ABCC5: variants seen among roughly 807,000 people sequenced by gnomAD.
The protein encoded by ABCC5 is ATP-binding cassette sub-family C member 5.
A neutral mutation model predicts 160.9 loss-of-function variants in ABCC5; 61 were observed. The ratio of observed to expected loss-of-function variants is 0.38; its 90% confidence interval spans 0.31 to 0.47. The LOEUF is 0.47. ABCC5 is among the 20% of genes least tolerant of loss of function. The pLI is 0.99. For missense variants in ABCC5, 1,308 were observed against 1,813.3 expected (o/e 0.72, Z 5.06); for synonymous variants, 666 against 700.6 (o/e 0.95, Z 0.78).
intron 25 of ABCC5, among the ~76,000 whole-genome samples, chr3:183,940,462 GAAAAAAAAAAAAA>G (rs537025178): frequency 4.6e-5 from 3 of 64,618 alleles, no homozygotes; most frequent in African/African-American, 1.7e-4. Context: ...TCTGTCTCAG[GAAAAAAAAAAAAA>G]AAAAAAAAAA....
In ABCC5 at chr3:183,978,553, CCA is replaced by C; in HGVS notation, c.1244_1245del (p.Val415GlyfsTer50). The C allele has an allele frequency of 6.2e-7, 1 of 1,614,170 alleles. No homozygotes were observed. Among genetic ancestry groups the C allele is most frequent in the Non-Finnish European group, 8.5e-7 (1 of 1,180,032 alleles). Reference sequence around the variant, plus strand: ...AGGGTCATATGAACAGAGAAGGTCACCACGCTGGCAATCACCACCACAATGGG... The same window carrying C: ...AGGGTCATATGAACAGAGAAGGTCACCGCTGGCAATCACCACCACAATGGG... ...VAPIVVVIAS[V>X]VTFSVHMTLG... On this transcript the variant is annotated frameshift_variant, in exon 9 of 30. Coordinates refer to ENST00000334444, the MANE Select transcript of ABCC5 (RefSeq NM_005688.4). LOFTEE classifies it high-confidence loss of function.
At chr3:183,932,268 T>G (rs1193121842) in intron 26 of ABCC5, among the ~76,000 whole-genome samples, 1 of 152,196 alleles carries the variant, frequency 6.6e-6, no homozygotes, top group Non-Finnish European at 1.5e-5. Context: ...CGGACTGATT[T>G]TGGCTTTTAG....
chr3:184,006,940 C>T (rs1328774343), intron 2 of ABCC5, among the ~76,000 whole-genome samples: 1 of 149,644 alleles, frequency 6.7e-6, no homozygotes, highest in Non-Finnish European at 1.5e-5. Flanking sequence ...CAATGACACA[C>T]TTTTGAGAGA....
chr3:184,017,737 G>C lies in ABCC5; in HGVS notation c.-56+93C>G, dbSNP rs1351918302. 1.3e-5 allele frequency: 2 copies of C among 152,466 alleles called. No individual in the cohort carries two copies. Among genetic ancestry groups the C allele is most frequent in the Non-Finnish European group, 2.9e-5 (2 of 68,280 alleles). 9.4% of individuals were successfully genotyped at this position (152,466 alleles called of 1,614,324 possible). A position where few individuals can be genotyped will look rare whatever the true frequency, so the allele number is the denominator to read the frequency against. On this transcript the variant is annotated intron_variant, in intron 1 of 29. Coordinates refer to ENST00000334444, the MANE Select transcript of ABCC5 (RefSeq NM_005688.4). The surrounding 1 kb of genome is among the most constrained non-coding windows in gnomAD (Gnocchi z 4.5). ...GTCCCCCGAACTGCTCGCAGCCCTG[G>C]CCACATCCCGCCACGCCCCGAGGAA...
intron 27 of ABCC5, 29 bp from the exon 28 acceptor site, chr3:183,927,472 G>A: frequency 6.3e-7 from 1 of 1,593,430 alleles, no homozygotes; most frequent in Non-Finnish European, 8.6e-7. Flanking sequence ...GAGATCAGAG[G>A]GGTAAGAAAC....
At chr3:183,981,970 A>T in intron 7 of ABCC5, 96 bp from the exon 8 acceptor site, 1 of 1,409,810 alleles carries the variant, frequency 7.1e-7, no homozygotes, top group South Asian at 1.5e-5. Flanking sequence ...ATGAGCATAT[A>T]ATCCTGCTTG....
chr3:183,977,702 T>C, intron 9 of ABCC5, 78 bp from the exon 10 acceptor site: 3 of 997,214 alleles, frequency 3.0e-6, no homozygotes, highest in Non-Finnish European at 4.6e-6. Flanking sequence ...GAATTTCCTC[T>C]CAGGCGCTAG....
intron 10 of ABCC5, among the ~76,000 whole-genome samples, chr3:183,972,659 T>C (rs867646727): frequency 1.3e-5 from 2 of 152,214 alleles, no homozygotes; most frequent in Non-Finnish European, 2.9e-5. Context: ...ATAATTTTTT[T>C]TTTGAGATGG....
At chr3:183,999,199 G>A (rs1447059429) in intron 2 of ABCC5, among the ~76,000 whole-genome samples, 1 of 151,628 alleles carries the variant, frequency 6.6e-6, no homozygotes, top group Non-Finnish European at 1.5e-5. Flanking sequence ...ATGCTTGGAT[G>A]TCTAACTTCT....
At chr3:183,953,353 G>C (rs995517603) in intron 17 of ABCC5, 83 bp from the exon 18 acceptor site, 4 of 1,285,028 alleles carry the variant, frequency 3.1e-6, no homozygotes, top group Non-Finnish European at 4.2e-6. Flanking sequence ...CAACAGAATC[G>C]GACAACCGGC....
chr3:183,985,039 C>A (rs938682496), intron 5 of ABCC5: 16 of 728,818 alleles, frequency 2.2e-5, no homozygotes, highest in Admixed American at 1.4e-4. Flanking sequence ...TTACACTATG[C>A]GAAACTTTCA....
chr3:183,937,888 C>G lies in ABCC5; in HGVS notation c.3854+13G>C. 6.2e-7 allele frequency: 1 copy of G among 1,613,490 alleles called. No individual in the cohort carries two copies. The highest frequency in any genetic ancestry group is 8.5e-7 in the Non-Finnish European group (1 of 1,179,628). ...AAGTGACGCACGAGACATGCAGGTG[C>G]TCAGGTCCTCACCTGACAGTGCCAC... On this transcript the variant is annotated intron_variant, in intron 26 of 29. Transcript: ENST00000334444.
At chr3:183,981,972 T>A (rs1033156674) in intron 7 of ABCC5, 98 bp from the exon 8 acceptor site, 70 of 1,393,042 alleles carry the variant, frequency 5.0e-5, no homozygotes, top group Non-Finnish European at 6.6e-5. Flanking sequence ...GAGCATATAA[T>A]CCTGCTTGCT....
chr3:183,992,731 G>C (rs1323592980), intron 2 of ABCC5, among the ~76,000 whole-genome samples: 1 of 152,110 alleles, frequency 6.6e-6, no homozygotes, highest in Non-Finnish European at 1.5e-5. Flanking sequence ...GGAGCTTGCA[G>C]TGAGCCAAGA....
Position 183,951,138 on chromosome 3 carries a change from C to T in ABCC5, c.2944+303G>A, listed in dbSNP as rs1002914714. ...AGTTCTGGTGCAGGCACAGCCCATA[C>T]AACAGCCAGAAAACCTGCCAGGTTG... On this transcript the variant is annotated intron_variant, in intron 20 of 29. Transcript: ENST00000334444. The surrounding 1 kb of genome is among the most constrained non-coding windows in gnomAD (Gnocchi z 4.7). Among the ~76,000 whole-genome samples, 1 of 152,210 alleles carries T rather than the reference C, an allele frequency of 6.6e-6. No individual in the cohort carries two copies. Among genetic ancestry groups the T allele is most frequent in the Non-Finnish European group, 1.5e-5 (1 of 68,044 alleles).
At chr3:183,962,850 G>T (rs1389442491) in intron 15 of ABCC5, among the ~76,000 whole-genome samples, 1 of 152,110 alleles carries the variant, frequency 6.6e-6, no homozygotes, top group Non-Finnish European at 1.5e-5. Flanking sequence ...ACATGAATCT[G>T]CTGATGGAGC....
chr3:183,926,339 C>G (rs1413578020), intron 28 of ABCC5, among the ~76,000 whole-genome samples: 1 of 151,116 alleles, frequency 6.6e-6, no homozygotes, highest in Admixed American at 6.6e-5. Context: ...ATCACGAGGT[C>G]AAGAGATCGA....
chr3:183,941,777 A>G (rs1714376395), intron 25 of ABCC5, among the ~76,000 whole-genome samples: 1 of 151,884 alleles, frequency 6.6e-6, no homozygotes, highest in Admixed American at 6.6e-5. Flanking sequence ...GAGGTCAGGA[A>G]ATCGAGACCG....
intron 2 of ABCC5, among the ~76,000 whole-genome samples, chr3:183,996,232 A>G (rs1393523847): frequency 6.6e-6 from 1 of 152,206 alleles, no homozygotes; most frequent in Non-Finnish European, 1.5e-5. Flanking sequence ...GAATCTTCAC[A>G]GCTTTCATCC....
Sources: gnomAD v4.1 joint callset for allele counts (sites outside exome capture counted in the v4.1 genomes callset) on GRCh38, gnomAD v4.1.1 for gene constraint, Gnocchi (gnomAD v3.1) non-coding constraint, MANE v1.5 for transcripts, NCBI Gene and HGNC (gene_info 2026-07-23, HGNC 2026-07-21) for gene names.